RBFOX1: variants seen among roughly 807,000 people sequenced by gnomAD.
RBFOX1 encodes RNA binding protein fox-1 homolog 1.
In RBFOX1, 8 loss-of-function variants were observed where a neutral mutation model predicts 57.7. The observed-to-expected ratio is 0.14, with a 90% CI of 0.08 to 0.25. RBFOX1 has a LOEUF of 0.25. Among genes scored for constraint, RBFOX1 ranks in the 10% least tolerant of loss-of-function variants. The probability of loss-of-function intolerance (pLI) is 1.00; values close to 1 mark genes in which losing one functional copy is unlikely to be tolerated. For synonymous variants in RBFOX1, 326 were observed against 222.4 expected (o/e 1.47, Z -4.15); for missense variants, 611 against 548.5 (o/e 1.11, Z -1.14).
chr16:6,961,836 A>C (rs1007348433), intron 3 of RBFOX1, among the ~76,000 whole-genome samples: 4 of 152,122 alleles, frequency 2.6e-5, no homozygotes, highest in African/African-American at 9.7e-5. Context: ...AGTGAGAGCA[A>C]ACCAGAAGTC....
intron 3 of RBFOX1, among the ~76,000 whole-genome samples, chr16:6,921,009 G>T (rs188010537): frequency 6.6e-6 from 1 of 152,264 alleles, no homozygotes; most frequent in East Asian, 1.9e-4. Context: ...TGTTTGACTG[G>T]AACACAGTAT....
chr16:6,371,390 A>G (rs758215619), intron 2 of RBFOX1, among the ~76,000 whole-genome samples: 2 of 152,124 alleles, frequency 1.3e-5, no homozygotes, highest in Non-Finnish European at 2.9e-5. Flanking sequence ...TACTTATTTC[A>G]GTATAAAGTC....
chr16:5,404,758 A>G (rs1220099973), intron 1 of RBFOX1, among the ~76,000 whole-genome samples: 6 of 152,192 alleles, frequency 3.9e-5, no homozygotes, highest in African/African-American at 1.4e-4. Context: ...ATCCTGTCCC[A>G]TCATTTAGAA....
chr16:5,493,245 T>C (rs1005293518), intron 2 of RBFOX1, among the ~76,000 whole-genome samples: 1 of 152,238 alleles, frequency 6.6e-6, no homozygotes, highest in Non-Finnish European at 1.5e-5. Context: ...TATTATTTCT[T>C]ACATTTTGTA....
intron 3 of RBFOX1, among the ~76,000 whole-genome samples, chr16:6,962,096 A>G (rs2083143056): frequency 1.3e-5 from 2 of 152,184 alleles, no homozygotes; most frequent in Non-Finnish European, 2.9e-5. Context: ...TCAGAAATCC[A>G]AAAATCAGGC....
At chr16:6,915,236 C>G (rs1430928998) in intron 3 of RBFOX1, among the ~76,000 whole-genome samples, 1 of 152,114 alleles carries the variant, frequency 6.6e-6, no homozygotes, top group Admixed American at 6.5e-5. Flanking sequence ...TGGATGAAGC[C>G]TGTGGTCCTC....
chr16:5,993,372 TGTGTGTGTGTGTGAGAGAGAGAGAGACA>T (rs1414998977), intron 4 of RBFOX1, among the ~76,000 whole-genome samples: 16 of 84,914 alleles, frequency 1.9e-4, no homozygotes, highest in Non-Finnish European at 3.7e-4. Flanking sequence ...TGTGTGTGTG[TGTGTGTGTGTGTGAGAGAGAGAGAGACA>T]GAGAGAGAGA....
chr16:5,992,335 C>G (rs1303743805), intron 4 of RBFOX1, among the ~76,000 whole-genome samples: 2 of 152,208 alleles, frequency 1.3e-5, no homozygotes, highest in African/African-American at 4.8e-5. Context: ...CAACTCTGTT[C>G]AGCAAAAGCT....
intron 4 of RBFOX1, among the ~76,000 whole-genome samples, chr16:7,442,326 G>A (rs560843552): frequency 6.6e-6 from 1 of 152,246 alleles, no homozygotes; most frequent in African/African-American, 2.4e-5. Flanking sequence ...CCGTCTCCCA[G>A]CACAGCCTTC....
At chr16:7,413,263 C>G (rs887474897) in intron 4 of RBFOX1, among the ~76,000 whole-genome samples, 2 of 152,054 alleles carry the variant, frequency 1.3e-5, no homozygotes, top group Non-Finnish European at 2.9e-5. Flanking sequence ...TGCCTCAACA[C>G]TGATTCTCGC....
rs35188189 is a variant in RBFOX1, at chr16:6,044,488, T to TAAA, written c.-127+24511_-127+24513dup. 4.4e-3 allele frequency among the ~76,000 whole-genome samples: 627 copies of TAAA among 143,136 alleles called. 10 individuals carry two copies. In the East Asian group the frequency reaches 0.066, roughly 15 times the overall value. 93.9% of individuals were successfully genotyped at this position (143,136 alleles called of 152,430 possible). A position where few individuals can be genotyped will look rare whatever the true frequency, so the allele number is the denominator to read the frequency against. ...TTGTCTTAGAAGACCTGTTTTAGGT[T>TAAA]AAAAAAAAAAAAAAAAATTCAAACA... is the stretch of plus-strand genomic sequence containing the variant. On this transcript the variant is annotated intron_variant, in intron 1 of 15. Coordinates refer to ENST00000550418, the MANE Select transcript of RBFOX1 (RefSeq NM_018723.4).
At chr16:7,510,411 C>A in intron 4 of RBFOX1, 7 of 903,646 alleles carry the variant, frequency 7.7e-6, no homozygotes, top group Non-Finnish European at 9.3e-6. Context: ...GTCGGTGACA[C>A]GTAGCTTGCT....
intron 4 of RBFOX1, among the ~76,000 whole-genome samples, chr16:5,935,273 C>A (rs142560197): frequency 5.5e-4 from 83 of 152,280 alleles, no homozygotes; most frequent in Admixed American, 1.2e-3. Context: ...AAGATTGTTA[C>A]TCATGTTCCC....
chr16:6,110,700 T>C (rs2152572722), intron 1 of RBFOX1, among the ~76,000 whole-genome samples: 1 of 152,232 alleles, frequency 6.6e-6, no homozygotes, highest in Middle Eastern at 3.4e-3. Flanking sequence ...TCAAGAACTG[T>C]ATAATCCAGA....
chr16:5,956,396 A>G (rs1345575992), intron 4 of RBFOX1, among the ~76,000 whole-genome samples: 1 of 152,006 alleles, frequency 6.6e-6, no homozygotes, highest in East Asian at 1.9e-4. Context: ...ATGAAAAATT[A>G]TGGTCTCTCT....
intron 7 of RBFOX1, among the ~76,000 whole-genome samples, chr16:7,593,804 G>C (rs1008613228): frequency 2.0e-5 from 3 of 151,986 alleles, no homozygotes; most frequent in Non-Finnish European, 4.4e-5. Flanking sequence ...ATCAGGGGTG[G>C]GGATGTCTTG....
intron 4 of RBFOX1, among the ~76,000 whole-genome samples, chr16:5,896,531 C>G (rs776896737): frequency 2.0e-5 from 3 of 152,194 alleles, no homozygotes; most frequent in East Asian, 1.9e-4. Flanking sequence ...GCCTGAGACT[C>G]TCACCAGAAG....
chr16:5,732,993 T>A (rs1020223376), intron 3 of RBFOX1, among the ~76,000 whole-genome samples: 1 of 152,176 alleles, frequency 6.6e-6, no homozygotes, highest in African/African-American at 2.4e-5. Context: ...TTTATTGCGA[T>A]GGTGACTATA....
intron 4 of RBFOX1, among the ~76,000 whole-genome samples, chr16:7,139,319 C>T (rs910846390): frequency 2.0e-5 from 3 of 152,068 alleles, no homozygotes; most frequent in Non-Finnish European, 4.4e-5. Flanking sequence ...CTTCAACAAC[C>T]AGCTTTTGGA....
Sources: gnomAD v4.1 joint callset for allele counts (sites outside exome capture counted in the v4.1 genomes callset) on GRCh38, gnomAD v4.1.1 for gene constraint, MANE v1.5 for transcripts, NCBI Gene and HGNC (gene_info 2026-07-23, HGNC 2026-07-21) for gene names.